Variants in KIF18A observed in about 807,000 individuals in gnomAD.
The protein encoded by KIF18A is kinesin-like protein KIF18A.
A neutral mutation model predicts 103.3 loss-of-function variants in KIF18A; 67 were observed. That is an observed-to-expected ratio of 0.65 (90% CI 0.53 to 0.79). KIF18A has a LOEUF of 0.79. Among genes scored for constraint, KIF18A ranks in the 30% least tolerant of loss-of-function variants. The pLI is 0.00. For synonymous variants in KIF18A, 367 were observed against 355.5 expected (o/e 1.03, Z -0.36); for missense variants, 1,032 against 1,062.5 (o/e 0.97, Z 0.40).
intron 6 of KIF18A, among the ~76,000 whole-genome samples, chr11:28,085,023 CTATTATAAACAT>C (rs1256247658): frequency 1.6e-4 from 25 of 152,152 alleles, no homozygotes; most frequent in Non-Finnish European, 2.6e-4. Context: ...TTATCAATCA[CTATTATAAACAT>C]TATTAATCAT....
At chr11:28,092,791 A>AT (rs1424923252) in intron 3 of KIF18A, among the ~76,000 whole-genome samples, 4 of 152,228 alleles carry the variant, frequency 2.6e-5, no homozygotes, top group Non-Finnish European at 5.9e-5. Context: ...AGGCATTAGA[A>AT]TGTAATAAAC....
chr11:28,089,986 A>G (rs1420825758), intron 5 of KIF18A, among the ~76,000 whole-genome samples: 5 of 152,206 alleles, frequency 3.3e-5, no homozygotes, highest in Non-Finnish European at 7.4e-5. Flanking sequence ...ACCAGGGACT[A>G]TATGAATGGT....
intron 1 of KIF18A, 87 bp from the exon 2 acceptor site, chr11:28,098,080 T>C (rs1482563715): frequency 4.4e-6 from 3 of 681,588 alleles, no homozygotes; most frequent in Non-Finnish European, 7.1e-6. Flanking sequence ...TCAAAAAAGA[T>C]GTTAATAATT....
At chr11:28,026,703 ATTC>A (rs1850326283) in intron 15 of KIF18A, among the ~76,000 whole-genome samples, 1 of 151,816 alleles carries the variant, frequency 6.6e-6, no homozygotes, top group Non-Finnish European at 1.5e-5. Context: ...TTTAAAAATT[ATTC>A]TTATCTATAA....
intron 13 of KIF18A, among the ~76,000 whole-genome samples, chr11:28,052,357 C>T (rs773085405): frequency 1.3e-5 from 2 of 152,026 alleles, no homozygotes; most frequent in African/African-American, 2.4e-5. Context: ...TGTGATCTGC[C>T]TTCCTTCCCT....
chr11:28,059,724 C>T (rs533652902), intron 12 of KIF18A, among the ~76,000 whole-genome samples: 1 of 152,018 alleles, frequency 6.6e-6, no homozygotes, highest in African/African-American at 2.4e-5. Flanking sequence ...GAGCCACTGT[C>T]CCTAGCTAAA....
chr11:28,103,030 G>A (rs1171099921), intron 1 of KIF18A, among the ~76,000 whole-genome samples: 5 of 152,132 alleles, frequency 3.3e-5, no homozygotes, highest in Non-Finnish European at 5.9e-5. Flanking sequence ...CAGCTGTTCA[G>A]AAGATAGTAT....
chr11:28,038,823 C>T (rs956688380), intron 13 of KIF18A, among the ~76,000 whole-genome samples: 1 of 151,610 alleles, frequency 6.6e-6, no homozygotes, highest in Non-Finnish European at 1.5e-5. Flanking sequence ...TTTTCCACTC[C>T]CTTTAACATG....
At chr11:28,028,064 A>G (rs898783061) in intron 15 of KIF18A, among the ~76,000 whole-genome samples, 1 of 152,038 alleles carries the variant, frequency 6.6e-6, no homozygotes, top group Non-Finnish European at 1.5e-5. Flanking sequence ...CCAATGTGAT[A>G]CATTGTATCA....
At chr11:28,046,411 T>C (rs996575351) in intron 13 of KIF18A, among the ~76,000 whole-genome samples, 3 of 147,414 alleles carry the variant, frequency 2.0e-5, no homozygotes, top group Non-Finnish European at 3.0e-5. Flanking sequence ...ATGGATGAAA[T>C]TGGAAATCAT....
intron 13 of KIF18A, among the ~76,000 whole-genome samples, chr11:28,041,435 T>A (rs1850558964): frequency 6.6e-6 from 1 of 151,714 alleles, no homozygotes; most frequent in African/African-American, 2.4e-5. Flanking sequence ...ACAATGAATT[T>A]GTTGAGCTCG....
Position 28,088,708 on chromosome 11 carries a change from T to C in KIF18A, c.713A>G (p.Gln238Arg). Residue 238 changes from glutamine to arginine, a missense_variant, in exon 6 of 17, where the codon CAA becomes CGA. By Grantham distance (43) the Gln-to-Arg change is conservative. Transcript: ENST00000263181. ...ATTGATACTTGCTGTTTTGTCTTGTTGTCGCAAGTAAATCTTTTTGAAATT... is the reference window on the plus strand; with the variant it reads ...ATTGATACTTGCTGTTTTGTCTTGTCGTCGCAAGTAAATCTTTTTGAAATT... The part of the protein sequence containing the change: ...SHAVFQIYLR[Q>R]QDKTASINQN... The C allele has an allele frequency of 7.4e-6, 12 of 1,613,560 alleles. No individual in the cohort carries two copies. Among genetic ancestry groups the C allele is most frequent in the Non-Finnish European group, 9.3e-6 (11 of 1,179,638 alleles).
At chr11:28,046,739 G>GAAAAAAAAA (rs11431907) in intron 13 of KIF18A, among the ~76,000 whole-genome samples, 1 of 131,500 alleles carries the variant, frequency 7.6e-6, no homozygotes, top group Non-Finnish European at 1.6e-5. Context: ...GAAATTAAAT[G>GAAAAAAAAA]AAAAAAAAAA....
chr11:28,086,496 A>G (rs78521962), intron 6 of KIF18A, among the ~76,000 whole-genome samples: 2,558 of 152,342 alleles, frequency 0.017, 48 homozygotes, highest in Middle Eastern at 0.037. Flanking sequence ...GAATGTTTAT[A>G]TAAGAACAGA....
intron 3 of KIF18A, among the ~76,000 whole-genome samples, chr11:28,093,239 T>C (rs1851326558): frequency 1.3e-5 from 2 of 152,192 alleles, no homozygotes; most frequent in African/African-American, 4.8e-5. Context: ...CACCCTCTTT[T>C]CCCAATTGAG....
At chr11:28,107,804 A>T (rs1396572630) in intron 1 of KIF18A, among the ~76,000 whole-genome samples, 1 of 152,190 alleles carries the variant, frequency 6.6e-6, no homozygotes, top group Non-Finnish European at 1.5e-5. Context: ...TTAAAACTTA[A>T]GACTTCCTCT....
At chr11:28,095,254 C>A (rs1851353841) in intron 2 of KIF18A, among the ~76,000 whole-genome samples, 1 of 152,340 alleles carries the variant, frequency 6.6e-6, no homozygotes, top group East Asian at 1.9e-4. Flanking sequence ...TGCTTCCTTG[C>A]TGTGATCTAG....
Position 28,099,031 on chromosome 11 carries a change from C to A in KIF18A, c.-46-1038G>T, listed in dbSNP as rs112812294. 9.6e-3 allele frequency among the ~76,000 whole-genome samples: 1,462 copies of A among 152,182 alleles called. 13 individuals are homozygous for A. The highest frequency in any genetic ancestry group is 0.016 in the Non-Finnish European group (1,081 of 67,988). The stretch of plus-strand genomic sequence containing the variant: ...AATCAGTATGTTGAAGAGATATTTG[C>A]CCTGCCATGTTCGCTACAACATTAT... On this transcript the variant is annotated intron_variant, in intron 1 of 16. Transcript: ENST00000263181.
intron 11 of KIF18A, among the ~76,000 whole-genome samples, chr11:28,064,132 G>T (rs535528604): frequency 6.6e-6 from 1 of 150,790 alleles, no homozygotes; most frequent in African/African-American, 2.4e-5. Flanking sequence ...TATACTTCAA[G>T]AAATATAGTA....
Sources: allele counts gnomAD v4.1 joint callset (sites outside exome capture counted in the v4.1 genomes callset), GRCh38; gene constraint gnomAD v4.1.1; transcripts MANE v1.5; gene names NCBI Gene and HGNC (gene_info 2026-07-23, HGNC 2026-07-21).